NBAS: variants seen among roughly 807,000 people sequenced by gnomAD.
The protein encoded by NBAS is NBAS subunit of NRZ tethering complex.
NBAS carries 219 observed loss-of-function variants against 302.5 expected under a neutral mutation model. The observed-to-expected ratio is 0.72, with a 90% confidence interval of 0.65 to 0.81. The LOEUF is 0.81. Among genes scored for constraint, NBAS ranks in the 30% least tolerant of loss-of-function variants. The pLI is 0.00. For missense variants in NBAS, 2,932 were observed against 2,841.6 expected, an observed-to-expected ratio of 1.03 and a Z score of -0.72; for synonymous variants, 1,118 against 1,021.6, an observed-to-expected ratio of 1.09 and a Z score of -1.80.
chr2:15,382,065 T>A (rs1675061072), intron 29 of NBAS, among the ~76,000 whole-genome samples: 1 of 151,216 alleles, frequency 6.6e-6, no homozygotes, highest in Non-Finnish European at 1.5e-5. Context: ...CTGCATGTTA[T>A]TAAAAATGAG....
chr2:14,793,985 C>T, the NBAS span, among the ~76,000 whole-genome samples: 1 of 152,064 alleles, frequency 6.6e-6, no homozygotes, highest in Non-Finnish European at 1.5e-5. Context: ...GAAATACAAA[C>T]ATTCTCAGAT....
chr2:15,055,551 G>T, the NBAS span, among the ~76,000 whole-genome samples: 1 of 152,136 alleles, frequency 6.6e-6, no homozygotes, highest in African/African-American at 2.4e-5. Flanking sequence ...GGGTATAGGA[G>T]TCAGAGAATG....
In NBAS at chr2:15,374,590, A is replaced by G; in HGVS notation, c.3703+18T>C. ...CAATATAAGTTAGTAACAATGCAACAGTAAGTAGAAAACTCACCTTGCAAA... is the reference window on the plus strand; with the variant it reads ...CAATATAAGTTAGTAACAATGCAACGGTAAGTAGAAAACTCACCTTGCAAA... On this transcript the variant is annotated intron_variant, in intron 31 of 51. Coordinates refer to ENST00000281513, the MANE Select transcript of NBAS (RefSeq NM_015909.4). The G allele has an allele frequency of 1.3e-6, 2 of 1,585,648 alleles. No individual in the cohort carries two copies. The highest frequency in any genetic ancestry group is 2.2e-5 in the East Asian group (1 of 44,712).
In NBAS at chr2:15,228,066, A is replaced by G. The variant is rs187904479; in HGVS notation, c.6236+4356T>C. Among the ~76,000 whole-genome samples, 737 of 152,316 alleles carry G rather than the reference A, an allele frequency of 4.8e-3. 10 individuals carry two copies. Among genetic ancestry groups the G allele is most frequent in the African/African-American group, 0.017 (714 of 41,572 alleles). ...GTGAAGAGACAGCCTACAGAATTGGAGAAACTATTTGTAAACTATACATCA... is the reference window on the plus strand; with the variant it reads ...GTGAAGAGACAGCCTACAGAATTGGGGAAACTATTTGTAAACTATACATCA... On this transcript the variant is annotated intron_variant, in intron 47 of 51. Coordinates refer to ENST00000281513, the MANE Select transcript of NBAS (RefSeq NM_015909.4).
the NBAS span, among the ~76,000 whole-genome samples, chr2:15,047,425 GGTAAAGGCTGGGCTTATGCAA>G: frequency 6.6e-6 from 1 of 152,082 alleles, no homozygotes; most frequent in Non-Finnish European, 1.5e-5. Flanking sequence ...GGCTTATGCA[GGTAAAGGCTGGGCTTATGCAA>G]GTAAAGGCTG....
chr2:15,464,088 C>G (rs1285752991), intron 19 of NBAS, among the ~76,000 whole-genome samples: 1 of 152,122 alleles, frequency 6.6e-6, no homozygotes, highest in Non-Finnish European at 1.5e-5. Context: ...TCACACCACT[C>G]TTCTCTCTAC....
the NBAS span, among the ~76,000 whole-genome samples, chr2:15,141,804 TA>T: frequency 2.6e-5 from 4 of 152,080 alleles, no homozygotes; most frequent in South Asian, 2.1e-4. Context: ...TTTCCCCCAA[TA>T]AAAAAGGGGC....
intron 21 of NBAS, among the ~76,000 whole-genome samples, chr2:15,437,624 T>C (rs554771786): frequency 1.4e-3 from 209 of 152,284 alleles, no homozygotes; most frequent in Non-Finnish European, 2.7e-3. Context: ...AGGTTCAAGA[T>C]TAAACTAGAG....
the NBAS span, among the ~76,000 whole-genome samples, chr2:15,136,416 A>G: frequency 1.3e-5 from 2 of 152,314 alleles, no homozygotes; most frequent in South Asian, 4.1e-4. Flanking sequence ...CAAGTGTTCT[A>G]TTGTAGCCTG....
At chr2:15,016,049 A>G in the NBAS span, among the ~76,000 whole-genome samples, 1 of 152,120 alleles carries the variant, frequency 6.6e-6, no homozygotes, top group South Asian at 2.1e-4. Flanking sequence ...AAAAAAAAAT[A>G]CCTTGTATAT....
chr2:14,918,437 G>A, the NBAS span, among the ~76,000 whole-genome samples: 1 of 152,180 alleles, frequency 6.6e-6, no homozygotes, highest in Non-Finnish European at 1.5e-5. Flanking sequence ...GAAAGGAGAT[G>A]TTTGGTTTGA....
Position 15,190,371 on chromosome 2 carries a change from G to GATAGACA in NBAS, c.6464_6465insTGTCTAT (p.Arg2156ValfsTer14). 1.2e-6 allele frequency: 2 copies of GATAGACA among 1,613,970 alleles called. No individual in the cohort carries two copies. Among genetic ancestry groups the GATAGACA allele is most frequent in the Non-Finnish European group, 1.7e-6 (2 of 1,179,908 alleles). The stretch of plus-strand genomic sequence containing the variant: ...GGAGTTCCATGAATAGACAGTAGCG[G>GATAGACA]TTCTCTTCATTCTCAATGTCAGCTA... On this transcript the variant is annotated frameshift_variant, in exon 49 of 52. Transcript: ENST00000281513. LOFTEE classifies it high-confidence loss of function.
intron 48 of NBAS, among the ~76,000 whole-genome samples, chr2:15,213,487 A>C (rs1265695725): frequency 6.6e-6 from 1 of 152,246 alleles, no homozygotes; most frequent in Non-Finnish European, 1.5e-5. Flanking sequence ...CATAGTGGGA[A>C]GAGGAAAAGA....
intron 9 of NBAS, among the ~76,000 whole-genome samples, chr2:15,528,089 T>C (rs983561618): frequency 1.3e-5 from 2 of 152,016 alleles, no homozygotes; most frequent in African/African-American, 4.8e-5. Flanking sequence ...CTCTACAGTA[T>C]CAGCCAAGCT....
chr2:15,206,840 G>A (rs1666169454), intron 48 of NBAS, among the ~76,000 whole-genome samples: 1 of 152,204 alleles, frequency 6.6e-6, no homozygotes, highest in Non-Finnish European at 1.5e-5. Context: ...TTCAGAGGAT[G>A]TATGGAAATC....
intron 6 of NBAS, among the ~76,000 whole-genome samples, chr2:15,545,456 C>T (rs1664065569): frequency 6.6e-6 from 1 of 152,024 alleles, no homozygotes; most frequent in Non-Finnish European, 1.5e-5. Flanking sequence ...ATACCAAGTA[C>T]AAATCTCAAA....
At chr2:15,536,238 T>G (rs1663503526) in intron 8 of NBAS, among the ~76,000 whole-genome samples, 180 bp downstream of exon 8, 1 of 152,088 alleles carries the variant, frequency 6.6e-6, no homozygotes, top group Admixed American at 6.6e-5. Context: ...AGTAAAATCC[T>G]AATTGTAGAA....
At chr2:14,826,833 G>A in the NBAS span, among the ~76,000 whole-genome samples, 1 of 152,218 alleles carries the variant, frequency 6.6e-6, no homozygotes, top group Admixed American at 6.5e-5. Flanking sequence ...GCGCTAGGAA[G>A]AAGTTTGGTC....
intron 9 of NBAS, among the ~76,000 whole-genome samples, chr2:15,522,215 T>G (rs905828592): frequency 5.3e-5 from 8 of 152,076 alleles, no homozygotes; most frequent in Non-Finnish European, 8.8e-5. Context: ...AGGAAACAAC[T>G]TGATAAGTAA....
Sources: gnomAD v4.1 joint callset for allele counts (sites outside exome capture counted in the v4.1 genomes callset) on GRCh38, gnomAD v4.1.1 for gene constraint, MANE v1.5 for transcripts, NCBI Gene and HGNC (gene_info 2026-07-23, HGNC 2026-07-21) for gene names.